The following TIAM1 variants were observed in gnomAD, a reference collection of about 807,000 sequenced individuals.
TIAM1 encodes TIAM Rac1 associated GEF 1.
Under a neutral mutation model 163.5 loss-of-function variants are expected in TIAM1, and 65 were observed. The ratio of observed to expected loss-of-function variants is 0.40; its 90% confidence interval spans 0.33 to 0.49. The LOEUF (loss-of-function observed/expected upper bound fraction) is 0.49. Ranked by LOEUF, TIAM1 falls within the 20% of genes least tolerant of loss-of-function variation. TIAM1 has a pLI of 0.77. For missense variants in TIAM1, 1,789 were observed against 2,044.7 expected, an observed-to-expected ratio of 0.87 and a Z score of 2.41; for synonymous variants, 833 against 810.1, an observed-to-expected ratio of 1.03 and a Z score of -0.48.
At chr21:31,243,209 A>AATATATATATATAT (rs1555902486) in intron 6 of TIAM1, among the ~76,000 whole-genome samples, 1 of 117,280 alleles carries the variant, frequency 8.5e-6, no homozygotes, top group African/African-American at 3.7e-5. Flanking sequence ...AAAAAAAAAA[A>AATATATATATATAT]ATATATATAT....
At chr21:31,283,843 C>T (rs2073679550) in intron 2 of TIAM1, among the ~76,000 whole-genome samples, 1 of 152,126 alleles carries the variant, frequency 6.6e-6, no homozygotes. Flanking sequence ...CGCCCATCCC[C>T]TTTTCCCATT....
intron 2 of TIAM1, among the ~76,000 whole-genome samples, chr21:31,373,198 G>A (rs999664620): frequency 6.6e-6 from 1 of 152,218 alleles, no homozygotes; most frequent in African/African-American, 2.4e-5. Context: ...GCTGAAGCAG[G>A]AGGATCATTT....
Position 31,266,870 on chromosome 21 carries a change from T to C in TIAM1, c.103A>G (p.Lys35Glu). 1 of 1,614,162 alleles carries C rather than the reference T, an allele frequency of 6.2e-7. No homozygotes were observed. The highest frequency in any genetic ancestry group is 1.1e-5 in the South Asian group (1 of 91,084). Residue 35 changes from lysine (K) to glutamate (E), a missense_variant, in exon 4 of 28, where the codon AAG becomes GAG. By Grantham distance (56) the Lys-to-Glu change is moderately conservative. Coordinates refer to ENST00000541036, the MANE Select transcript of TIAM1 (RefSeq NM_001353694.2). ...GAAGCGTGCCTGGTCCTCCGCGTCTTGTGCGAGAGGCGCAGGGAGCGGGAA... is the reference window on the plus strand; with the variant it reads ...GAAGCGTGCCTGGTCCTCCGCGTCTCGTGCGAGAGGCGCAGGGAGCGGGAA... ...HTSRSLRLSH[K>E]TRRTRHASSG...
chr21:31,154,473 T>TGCC (rs2083525392), intron 16 of TIAM1, 47 bp from the exon 17 acceptor site: 2 of 1,584,070 alleles, frequency 1.3e-6, no homozygotes, highest in Admixed American at 1.7e-5. Context: ...TTATCCCTCA[T>TGCC]TAGACGCACC....
At position 31,243,205 on chromosome 21, in the gene TIAM1, A is replaced by T. The variant is rs1410131942; in HGVS notation, c.1584+2283T>A. ...AAAACTTCATCTCAAAAAAAAAAAA[A>T]AAAAATATATATATATATATGTATA... On this transcript the variant is annotated intron_variant, in intron 6 of 27. Transcript: ENST00000541036. Among the ~76,000 whole-genome samples the T allele has an allele frequency of 8.6e-3, 1,078 of 125,410 alleles. 11 individuals are homozygous for T. Among genetic ancestry groups the T allele is most frequent in the Middle Eastern group, 0.028 (7 of 246 alleles). 82.3% of individuals were successfully genotyped at this position (125,410 alleles called of 152,430 possible).
intron 6 of TIAM1, among the ~76,000 whole-genome samples, chr21:31,228,823 A>G (rs1248310657): frequency 6.6e-6 from 1 of 152,198 alleles, no homozygotes; most frequent in Non-Finnish European, 1.5e-5. Flanking sequence ...ATGGCTGAGG[A>G]GGCCTCAGGA....
chr21:31,470,253 C>T (rs1014022616), intron 1 of TIAM1, among the ~76,000 whole-genome samples: 2 of 152,012 alleles, frequency 1.3e-5, no homozygotes, highest in African/African-American at 4.8e-5. Context: ...GATCTGCCCA[C>T]CTCAGCCTCC....
chr21:31,331,224 G>A (rs1332296443), intron 2 of TIAM1, among the ~76,000 whole-genome samples: 2 of 152,180 alleles, frequency 1.3e-5, no homozygotes, highest in African/African-American at 2.4e-5. Flanking sequence ...GGACACAGGA[G>A]TAGAAATGAA....
rs560534053 is a variant in TIAM1 at position 31,338,698 on chromosome 21, C to T, written c.-189+545G>A. 2.6e-5 allele frequency among the ~76,000 whole-genome samples: 4 copies of T among 152,272 alleles called. No homozygotes were observed. In the East Asian group the frequency reaches 5.8e-4, roughly 22 times the overall value. On this transcript the variant is annotated intron_variant, in intron 2 of 27. Coordinates refer to ENST00000541036, the MANE Select transcript of TIAM1 (RefSeq NM_001353694.2). ...CTTGGAGTTAACTGCGAACGTTGCA[C>T]GGCGACCTCTTGATCCATTCTGTGA...
chr21:31,511,264 C>T (rs2047201902), intron 1 of TIAM1, among the ~76,000 whole-genome samples: 1 of 152,240 alleles, frequency 6.6e-6, no homozygotes, highest in Non-Finnish European at 1.5e-5. Context: ...GAGCAGTTGG[C>T]TGGGCACTAA....
intron 2 of TIAM1, among the ~76,000 whole-genome samples, chr21:31,323,866 G>A (rs1387864800): frequency 6.6e-6 from 1 of 151,846 alleles, no homozygotes; most frequent in African/African-American, 2.4e-5. Context: ...AAATTAGCTG[G>A]GTGTGGTGGT....
At chr21:31,489,487 A>AAGAG (rs374028144) in intron 1 of TIAM1, among the ~76,000 whole-genome samples, 62,105 of 126,058 alleles carry the variant, frequency 0.49, 16,215 homozygotes, top group African/African-American at 0.65. Flanking sequence ...AGATGAAAGA[A>AAGAG]AGAGAGAGAG....
chr21:31,464,594 G>A (rs2147357157), intron 1 of TIAM1, among the ~76,000 whole-genome samples: 1 of 152,106 alleles, frequency 6.6e-6, no homozygotes, highest in South Asian at 2.1e-4. Context: ...TGTAATCCTA[G>A]CACTTTGGAA....
intron 2 of TIAM1, among the ~76,000 whole-genome samples, chr21:31,277,641 C>A (rs2073358469): frequency 6.6e-6 from 1 of 152,162 alleles, no homozygotes; most frequent in Non-Finnish European, 1.5e-5. Flanking sequence ...ATAATCCACC[C>A]CGTTTAGCAT....
chr21:31,166,712 C>A (rs1281307662), intron 15 of TIAM1, among the ~76,000 whole-genome samples: 1 of 152,356 alleles, frequency 6.6e-6, no homozygotes, highest in East Asian at 1.9e-4. Context: ...GTTAACTTGG[C>A]AGATATCATC....
chr21:31,257,061 G>A (rs992209758), intron 4 of TIAM1, among the ~76,000 whole-genome samples: 4 of 152,180 alleles, frequency 2.6e-5, no homozygotes, highest in African/African-American at 9.7e-5. Context: ...AATTAGGCTT[G>A]TTAATTGTTC....
intron 19 of TIAM1, among the ~76,000 whole-genome samples, chr21:31,150,970 C>T (rs2083343767): frequency 6.6e-6 from 1 of 152,142 alleles, no homozygotes; most frequent in Non-Finnish European, 1.5e-5. Flanking sequence ...GGGCAAAAAA[C>T]AAGCACATAA....
At chr21:31,341,479 G>A (rs183517825) in intron 1 of TIAM1, among the ~76,000 whole-genome samples, 140 of 152,288 alleles carry the variant, frequency 9.2e-4, no homozygotes, top group African/African-American at 3.2e-3. Flanking sequence ...CAGCAAATTT[G>A]TTCTGCTGTC....
intron 6 of TIAM1, among the ~76,000 whole-genome samples, chr21:31,229,674 G>A (rs970941990): frequency 6.6e-6 from 1 of 151,304 alleles, no homozygotes; most frequent in Non-Finnish European, 1.5e-5. Context: ...TTTTGAGATG[G>A]AATCTTTCTC....
Sources: allele counts gnomAD v4.1 joint callset (sites outside exome capture counted in the v4.1 genomes callset), GRCh38; gene constraint gnomAD v4.1.1; transcripts MANE v1.5; gene names NCBI Gene and HGNC (gene_info 2026-07-23, HGNC 2026-07-21).